PARN: variants seen among roughly 807,000 people sequenced by gnomAD.
PARN encodes poly(A)-specific ribonuclease.
PARN carries 71 observed loss-of-function variants against 102.8 expected under a neutral mutation model. The ratio of observed to expected loss-of-function variants is 0.69; its 90% confidence interval spans 0.57 to 0.84. PARN has a LOEUF of 0.84. Among genes scored for constraint, PARN ranks in the 40% least tolerant of loss-of-function variants. The pLI, the probability that PARN is intolerant of heterozygous loss-of-function variation, is 0.00. For synonymous variants in PARN, 261 were observed against 252.9 expected (o/e 1.03, Z -0.30); for missense variants, 782 against 760.9 (o/e 1.03, Z -0.33).
chr16:14,447,368 T>C (rs1961249639), intron 22 of PARN, among the ~76,000 whole-genome samples: 1 of 152,246 alleles, frequency 6.6e-6, no homozygotes, highest in Non-Finnish European at 1.5e-5. Flanking sequence ...AAGTAGCCTC[T>C]ATTTTGATAA....
At chr16:14,517,828 G>A (rs554010269) in intron 21 of PARN, among the ~76,000 whole-genome samples, 4 of 152,072 alleles carry the variant, frequency 2.6e-5, no homozygotes, top group Non-Finnish European at 4.4e-5. Flanking sequence ...ACAGGTGTGC[G>A]CCACCACACC....
chr16:14,485,018 A>G (rs1281286235), intron 21 of PARN, among the ~76,000 whole-genome samples: 1 of 152,200 alleles, frequency 6.6e-6, no homozygotes, highest in Non-Finnish European at 1.5e-5. Context: ...TATGTAGTTG[A>G]AGACCAACCT....
At chr16:14,511,283 G>A (rs779385385) in intron 21 of PARN, among the ~76,000 whole-genome samples, 17 of 152,270 alleles carry the variant, frequency 1.1e-4, no homozygotes, top group African/African-American at 1.7e-4. Context: ...GGATGAGATA[G>A]CTTGGCTTGT....
chr16:14,498,815 G>A (rs1328727802), intron 21 of PARN, among the ~76,000 whole-genome samples: 1 of 152,208 alleles, frequency 6.6e-6, no homozygotes, highest in Admixed American at 6.5e-5. Context: ...TTCTCCAAAA[G>A]GGAAATGGAT....
intron 21 of PARN, among the ~76,000 whole-genome samples, chr16:14,545,771 A>C (rs1966896232): frequency 6.6e-6 from 1 of 152,188 alleles, no homozygotes; most frequent in Non-Finnish European, 1.5e-5. Flanking sequence ...GTGTTTCAGC[A>C]CCACCTCTTA....
intron 14 of PARN, 62 bp from the exon 15 acceptor site, chr16:14,584,853 C>G (rs979179963): frequency 1.1e-6 from 1 of 882,722 alleles, no homozygotes; most frequent in African/African-American, 1.8e-5. Context: ...GTCTTTTACT[C>G]AAATATGTAA....
chr16:14,612,350 T>C (rs1055759049), intron 6 of PARN, among the ~76,000 whole-genome samples: 9 of 151,684 alleles, frequency 5.9e-5, no homozygotes, highest in Middle Eastern at 3.2e-3. Context: ...GGCAGGAGAA[T>C]CACTTGAACA....
At chr16:14,555,842 A>G (rs892648464) in intron 18 of PARN, 133 bp from the exon 19 acceptor site, 25 of 482,072 alleles carry the variant, frequency 5.2e-5, no homozygotes, top group Non-Finnish European at 3.7e-6. Context: ...GATCCTTGAT[A>G]TCACTCTATT....
intron 22 of PARN, among the ~76,000 whole-genome samples, chr16:14,461,871 C>A (rs1962002474): frequency 1.3e-5 from 2 of 152,314 alleles, no homozygotes; most frequent in South Asian, 4.1e-4. Context: ...ACATGTTTTG[C>A]TGTCTGAGTG....
In PARN at chr16:14,613,712, C is replaced by T. The variant is rs117321360; in HGVS notation, c.389-2903G>A. ...AACCACCATCAGTCAACGATAATTGCTTAAAGCAAGAACTATCAATAGATG... is the reference window on the plus strand; with the variant it reads ...AACCACCATCAGTCAACGATAATTGTTTAAAGCAAGAACTATCAATAGATG... On this transcript the variant is annotated intron_variant, in intron 6 of 23. Coordinates refer to ENST00000437198, the MANE Select transcript of PARN (RefSeq NM_002582.4). Among the ~76,000 whole-genome samples the T allele has an allele frequency of 3.0e-3, 453 of 152,250 alleles. 3 individuals are homozygous for T. The highest frequency in any genetic ancestry group is 0.013 in the Admixed American group (200 of 15,290).
chr16:14,502,051 A>G (rs1964648706), intron 21 of PARN, among the ~76,000 whole-genome samples: 1 of 152,230 alleles, frequency 6.6e-6, no homozygotes, highest in African/African-American at 2.4e-5. Flanking sequence ...AGAAGGCACA[A>G]TGGAATGAGT....
At chr16:14,610,513 T>C in intron 7 of PARN, 131 bp downstream of exon 7, 2 of 534,332 alleles carry the variant, frequency 3.7e-6, no homozygotes, top group Non-Finnish European at 6.6e-6. Context: ...ATGCCACAAT[T>C]ATATCCTGCC....
chr16:14,470,039 T>C (rs997650094), intron 22 of PARN, among the ~76,000 whole-genome samples: 8 of 152,282 alleles, frequency 5.3e-5, no homozygotes, highest in Admixed American at 6.5e-5. Context: ...GTTAGAAACA[T>C]AGATGATAAT....
chr16:14,516,915 C>A (rs990071512), intron 21 of PARN, among the ~76,000 whole-genome samples: 28 of 152,272 alleles, frequency 1.8e-4, no homozygotes, highest in African/African-American at 6.7e-4. Context: ...ATGAAGAGGG[C>A]ACACAAGAAG....
At chr16:14,468,385 G>A (rs1229344855) in intron 22 of PARN, among the ~76,000 whole-genome samples, 1 of 152,192 alleles carries the variant, frequency 6.6e-6, no homozygotes, top group African/African-American at 2.4e-5. Flanking sequence ...TGGACAGTCG[G>A]TCCATGTTTT....
rs753886839 is a variant in PARN at position 14,554,162 on chromosome 16, A to G, written c.1319-11T>C. 2 of 1,582,426 alleles carry G rather than the reference A, an allele frequency of 1.3e-6. No homozygotes were observed. On this transcript the variant is annotated splice_polypyrimidine_tract_variant and intron_variant, in intron 19 of 23. Coordinates refer to ENST00000437198, the MANE Select transcript of PARN (RefSeq NM_002582.4). ...CACGTTTAGGCTGCACTACAAGACAAATTTATGATGAAATATTGATGGGTG... is the reference window on the plus strand; with the variant it reads ...CACGTTTAGGCTGCACTACAAGACAGATTTATGATGAAATATTGATGGGTG...
At chr16:14,606,983 G>A (rs539413016) in intron 9 of PARN, among the ~76,000 whole-genome samples, 3 of 151,788 alleles carry the variant, frequency 2.0e-5, no homozygotes, top group East Asian at 1.9e-4. Flanking sequence ...GGGTTTCACC[G>A]TGTTAGCCAG....
At chr16:14,498,915 G>A (rs1320226456) in intron 21 of PARN, among the ~76,000 whole-genome samples, 1 of 152,174 alleles carries the variant, frequency 6.6e-6, no homozygotes, top group East Asian at 1.9e-4. Flanking sequence ...TTATTTCATT[G>A]GTGAGTTCTG....
At chr16:14,468,821 C>T (rs750820469) in intron 22 of PARN, among the ~76,000 whole-genome samples, 13 of 151,202 alleles carry the variant, frequency 8.6e-5, no homozygotes, top group Non-Finnish European at 1.6e-4. Flanking sequence ...GTGGGAGGAT[C>T]GCTTGAGCCC....
Sources: gnomAD v4.1 joint callset for allele counts (sites outside exome capture counted in the v4.1 genomes callset) on GRCh38, gnomAD v4.1.1 for gene constraint, MANE v1.5 for transcripts, NCBI Gene and HGNC (gene_info 2026-07-23, HGNC 2026-07-21) for gene names.